The following WDR37 variants were observed in gnomAD, a reference collection of about 807,000 sequenced individuals.
The protein encoded by WDR37 is WD repeat domain 37, also known as WD repeat-containing protein 37.
Under a neutral mutation model 62.9 loss-of-function variants are expected in WDR37, and 19 were observed. That is an observed-to-expected ratio of 0.30 (90% CI 0.21 to 0.44). WDR37 has a LOEUF of 0.44. WDR37 is among the 20% of genes least tolerant of loss of function. WDR37 has a pLI of 1.00. For missense variants in WDR37, 474 were observed against 657.6 expected, an observed-to-expected ratio of 0.72 and a Z score of 3.05; for synonymous variants, 250 against 260.9, an observed-to-expected ratio of 0.96 and a Z score of 0.40.
chr10:1,069,383 A>ATTTTTTTTTTTTTT (rs1564496918), intron 1 of WDR37, among the ~76,000 whole-genome samples: 1 of 27,748 alleles, frequency 3.6e-5, no homozygotes, highest in Non-Finnish European at 7.1e-5. Flanking sequence ...ATATATATAT[A>ATTTTTTTTTTTTTT]TATATATTTT....
chr10:1,120,378 G>A (rs11250270), intron 11 of WDR37, among the ~76,000 whole-genome samples: 18,082 of 152,222 alleles, frequency 0.12, 1,199 homozygotes, highest in Middle Eastern at 0.19. Context: ...GCCTCCGAGG[G>A]GCACCCGGGG....
At chr10:1,078,195 G>A (rs76165497) in intron 3 of WDR37, among the ~76,000 whole-genome samples, 192 bp downstream of exon 3, 393 of 152,056 alleles carry the variant, frequency 2.6e-3, no homozygotes, top group African/African-American at 8.7e-3. Context: ...CGAGGACTCC[G>A]TCTCAAAAGT....
At chr10:1,091,480 T>C in intron 7 of WDR37, among the ~76,000 whole-genome samples, 1 of 152,334 alleles carries the variant, frequency 6.6e-6, no homozygotes, top group Non-Finnish European at 1.5e-5. Context: ...CTTAGAAAAA[T>C]ATAATTCTAA....
chr10:1,106,675 C>A (rs1170480910), intron 11 of WDR37, among the ~76,000 whole-genome samples: 6 of 152,052 alleles, frequency 3.9e-5, no homozygotes, highest in Non-Finnish European at 8.8e-5. Flanking sequence ...CACCACCATG[C>A]CTGGTTAATT....
rs189510322 is a variant in WDR37 at position 1,084,246 on chromosome 10, C to T, written c.397-157C>T. 5.6e-3 allele frequency among the ~76,000 whole-genome samples: 855 copies of T among 152,346 alleles called. 3 individuals are homozygous for T. Among genetic ancestry groups the T allele is most frequent in the Non-Finnish European group, 9.7e-3 (660 of 68,032 alleles). On this transcript the variant is annotated intron_variant, in intron 5 of 13. Coordinates refer to ENST00000263150, the MANE Select transcript of WDR37 (RefSeq NM_014023.4). ...AACCCGCCACCCTTTCCACGCAGGGCGTTTCAGCTCACACTTGCGCTGTGT... is the reference window on the plus strand; with the variant it reads ...AACCCGCCACCCTTTCCACGCAGGGTGTTTCAGCTCACACTTGCGCTGTGT...
chr10:1,078,592 G>A (rs568763154), intron 3 of WDR37, among the ~76,000 whole-genome samples: 12 of 152,296 alleles, frequency 7.9e-5, no homozygotes, highest in Admixed American at 4.6e-4. Context: ...AGATCTATCC[G>A]CTTTAGTGTT....
intron 11 of WDR37, among the ~76,000 whole-genome samples, chr10:1,116,234 C>T (rs2387297): frequency 0.68 from 103,248 of 151,118 alleles, 35,923 homozygotes; most frequent in Non-Finnish European, 0.76. Flanking sequence ...CTCCCGTCAT[C>T]CCCCCTGCCC....
rs546794795 is a variant in WDR37 at position 1,071,296 on chromosome 10, G to T, written c.-40-820G>T. Among the ~76,000 whole-genome samples, 16 of 152,250 alleles carry T rather than the reference G, an allele frequency of 1.1e-4. 1 individual carries two copies. In the South Asian group the frequency reaches 2.3e-3, roughly 22 times the overall value. ...CAGTGAGGTGCTGAGCTGGCCTGAT[G>T]ATAGGATTGTGTTCATGGGAGGAGG... On this transcript the variant is annotated intron_variant, in intron 1 of 13. Coordinates refer to ENST00000263150, the MANE Select transcript of WDR37 (RefSeq NM_014023.4).
At position 1,080,076 on chromosome 10, in the gene WDR37, G is replaced by C; in HGVS notation, c.301G>C (p.Glu101Gln). Residue 101 changes from glutamate to glutamine, a missense_variant, in exon 4 of 14, where the codon GAG (glutamate) becomes CAG (glutamine). Coordinates refer to ENST00000263150, the MANE Select transcript of WDR37 (RefSeq NM_014023.4). ...AAEGQAIDGA[E>Q]LSKGQLKTKA... is the part of the protein sequence containing the mutation. ...TGAAGGACAAGCGATTGATGGAGCA[G>C]AGCTGAGTAAGGGCCAACTCAAAAC... 2.5e-6 allele frequency: 4 copies of C among 1,614,148 alleles called. No homozygotes were observed. Among genetic ancestry groups the C allele is most frequent in the Non-Finnish European group, 3.4e-6 (4 of 1,180,020 alleles).
At chr10:1,126,524 G>T (rs1202774826) in intron 13 of WDR37, among the ~76,000 whole-genome samples, 1 of 152,182 alleles carries the variant, frequency 6.6e-6, no homozygotes, top group African/African-American at 2.4e-5. Context: ...TTGGAGTACT[G>T]TCTGGATACC....
At chr10:1,128,817 ATGCTCGGCGGTCCATGCTCGGTGGTCC>A (rs1464870938) in intron 13 of WDR37, among the ~76,000 whole-genome samples, 3 of 147,862 alleles carry the variant, frequency 2.0e-5, no homozygotes, top group African/African-American at 7.6e-5. Flanking sequence ...TCGGCGGTCC[ATGCTCGGCGGTCCATGCTCGGTGGTCC>A]TGCTCAGTGG....
Position 1,129,261 on chromosome 10 carries a change from G to A in WDR37, c.1402G>A (p.Val468Met), listed in dbSNP as rs770293267. ...CTCGGCATGGAGTGAAGACCACCCC[G>A]TGTGCAATCTGTTCACCTGTGGGTT... ...CCSAWSEDHP[V>M]CNLFTCGFDR... The change falls in exon 14 of 14, where the codon GTG becomes ATG. Residue 468 changes from valine (V) to methionine (M), a missense_variant. By Grantham distance (21) the Val-to-Met change is conservative. Transcript: ENST00000263150. 1.9e-5 allele frequency: 31 copies of A among 1,614,040 alleles called. No homozygotes were observed. Among genetic ancestry groups the A allele is most frequent in the Middle Eastern group, 1.6e-4 (1 of 6,082 alleles).
intron 11 of WDR37, among the ~76,000 whole-genome samples, chr10:1,112,408 T>C (rs1166356215): frequency 6.6e-6 from 1 of 152,200 alleles, no homozygotes; most frequent in Non-Finnish European, 1.5e-5. Context: ...TCCTAATGCC[T>C]CTGACTTCAT....
intron 13 of WDR37, among the ~76,000 whole-genome samples, chr10:1,126,377 GC>G (rs1343264711): frequency 6.7e-6 from 1 of 148,556 alleles, no homozygotes; most frequent in Non-Finnish European, 1.5e-5. Flanking sequence ...CTGCACTCCA[GC>G]CTGGGCGACA....
chr10:1,100,419 T>TG (rs1449685346), intron 9 of WDR37, among the ~76,000 whole-genome samples: 3 of 148,928 alleles, frequency 2.0e-5, no homozygotes, highest in Non-Finnish European at 3.0e-5. Flanking sequence ...GCTCCTTAGG[T>TG]GGAAAGCAGT....
At chr10:1,058,701 A>G (rs559254716) in intron 1 of WDR37, among the ~76,000 whole-genome samples, 2 of 152,240 alleles carry the variant, frequency 1.3e-5, no homozygotes, top group Admixed American at 1.3e-4. Context: ...AAGCAGGTTA[A>G]TACTGATGAC....
At position 1,080,001 on chromosome 10, in the gene WDR37, T is replaced by C; in HGVS notation, c.236-10T>C. ...ATACTTTAGATTTTTGAAAACTTTT[T>C]TCTTCCCAGTACGTAGAGAAATCGA... On this transcript the variant is annotated splice_polypyrimidine_tract_variant and intron_variant, in intron 3 of 13. Coordinates refer to ENST00000263150, the MANE Select transcript of WDR37 (RefSeq NM_014023.4). 1.2e-6 allele frequency: 2 copies of C among 1,612,962 alleles called. No individual in the cohort carries two copies. Among genetic ancestry groups the C allele is most frequent in the Non-Finnish European group, 1.7e-6 (2 of 1,179,560 alleles).
chr10:1,092,697 A>G (rs1834435784), intron 7 of WDR37, among the ~76,000 whole-genome samples: 2 of 151,712 alleles, frequency 1.3e-5, no homozygotes, highest in Non-Finnish European at 2.9e-5. Context: ...CCCTGTCTCT[A>G]CTAAAAATAC....
At chr10:1,111,521 G>A (rs1835217230) in intron 11 of WDR37, among the ~76,000 whole-genome samples, 1 of 152,230 alleles carries the variant, frequency 6.6e-6, no homozygotes, top group African/African-American at 2.4e-5. Context: ...CCTGAAACGT[G>A]TGGTCATTAC....
Sources: allele counts gnomAD v4.1 joint callset (sites outside exome capture counted in the v4.1 genomes callset), GRCh38; gene constraint gnomAD v4.1.1; transcripts MANE v1.5; gene names NCBI Gene and HGNC (gene_info 2026-07-23, HGNC 2026-07-21).